FARP1: variants seen among roughly 807,000 people sequenced by gnomAD.
FARP1 encodes FERM, ARH/RhoGEF and pleckstrin domain protein 1, also known as FERM, ARHGEF and pleckstrin domain-containing protein 1.
In FARP1, 52 loss-of-function variants were observed where a neutral mutation model predicts 128.8. That is an observed-to-expected ratio of 0.40 (90% confidence interval 0.32 to 0.51). The LOEUF is 0.51. Ranked by LOEUF, FARP1 falls within the 20% of genes least tolerant of loss-of-function variation. FARP1 has a pLI of 0.45. For synonymous variants in FARP1, 580 were observed against 551.8 expected (o/e 1.05, Z -0.72); for missense variants, 1,333 against 1,367.9 (o/e 0.97, Z 0.40).
chr13:98,295,692 G>A (rs1355416687), intron 2 of FARP1, among the ~76,000 whole-genome samples: 1 of 152,064 alleles, frequency 6.6e-6, no homozygotes, highest in East Asian at 1.9e-4. Flanking sequence ...TTTCTTCCCA[G>A]CCTAAAGACT....
intron 16 of FARP1, among the ~76,000 whole-genome samples, chr13:98,413,747 A>C (rs971862463): frequency 5.9e-5 from 9 of 152,218 alleles, no homozygotes; most frequent in African/African-American, 1.4e-4. Context: ...CCTGTGTCTC[A>C]TCATTCATAC....
At chr13:98,312,212 C>T (rs1173101522) in intron 2 of FARP1, among the ~76,000 whole-genome samples, 1 of 136,240 alleles carries the variant, frequency 7.3e-6, no homozygotes, top group Non-Finnish European at 1.5e-5. Flanking sequence ...GTGATCTTGG[C>T]TCACTGCAAG....
chr13:98,362,940 C>A (rs888982132), intron 3 of FARP1, among the ~76,000 whole-genome samples: 1 of 152,224 alleles, frequency 6.6e-6, no homozygotes, highest in Non-Finnish European at 1.5e-5. Context: ...TTCAGTTGTT[C>A]TTGAATCCAC....
At chr13:98,305,459 G>A (rs1187978181) in intron 2 of FARP1, among the ~76,000 whole-genome samples, 4 of 151,720 alleles carry the variant, frequency 2.6e-5, no homozygotes, top group Non-Finnish European at 5.9e-5. Flanking sequence ...TCAGCCTCCC[G>A]AATAGCTGGG....
chr13:98,184,981 T>C (rs1242005689), intron 1 of FARP1, among the ~76,000 whole-genome samples: 2 of 152,218 alleles, frequency 1.3e-5, no homozygotes, highest in East Asian at 3.8e-4. Context: ...ATTTCCACCA[T>C]GGCCAGTTGC....
chr13:98,289,372 G>A (rs1458463451), intron 2 of FARP1, among the ~76,000 whole-genome samples: 1 of 152,306 alleles, frequency 6.6e-6, no homozygotes, highest in Non-Finnish European at 1.5e-5. Context: ...TTCCCGCTGA[G>A]TGCAAATCTG....
intron 24 of FARP1, among the ~76,000 whole-genome samples, chr13:98,442,182 GAA>G (rs1566324620): frequency 6.6e-6 from 1 of 152,184 alleles, no homozygotes; most frequent in Non-Finnish European, 1.5e-5. Context: ...TCCAAACGCA[GAA>G]AGGGCCAGTT....
chr13:98,257,127 T>C (rs1391383203), intron 2 of FARP1, among the ~76,000 whole-genome samples: 9 of 151,818 alleles, frequency 5.9e-5, no homozygotes, highest in Non-Finnish European at 1.2e-4. Context: ...TTTCCAAATA[T>C]CATTGAATAC....
intron 1 of FARP1, among the ~76,000 whole-genome samples, chr13:98,181,060 T>C (rs1878471923): frequency 6.6e-6 from 1 of 152,174 alleles, no homozygotes; most frequent in African/African-American, 2.4e-5. Context: ...AGTCTTTTTT[T>C]TTTTAAGACA....
chr13:98,349,023 G>A (rs1888295386), intron 3 of FARP1, among the ~76,000 whole-genome samples: 1 of 152,134 alleles, frequency 6.6e-6, no homozygotes, highest in Non-Finnish European at 1.5e-5. Flanking sequence ...ATCTCCCGTC[G>A]GAAAGAGCTG....
chr13:98,156,250 C>A (rs1393800574), intron 1 of FARP1, among the ~76,000 whole-genome samples: 1 of 152,104 alleles, frequency 6.6e-6, no homozygotes, highest in Non-Finnish European at 1.5e-5. Context: ...TACTCTCTGG[C>A]AATTTATAAA....
intron 17 of FARP1, among the ~76,000 whole-genome samples, chr13:98,430,671 T>C (rs1891976312): frequency 6.6e-6 from 1 of 152,220 alleles, no homozygotes; most frequent in Non-Finnish European, 1.5e-5. Flanking sequence ...GGCTGTTTGT[T>C]ATCTGAAGAC....
intron 3 of FARP1, among the ~76,000 whole-genome samples, chr13:98,359,706 A>C (rs1011932048): frequency 2.6e-5 from 4 of 152,236 alleles, no homozygotes; most frequent in African/African-American, 9.6e-5. Flanking sequence ...CTCAGTATTC[A>C]GCACAGTAAG....
chr13:98,252,199 G>C (rs1196399956), intron 2 of FARP1, among the ~76,000 whole-genome samples: 1 of 152,118 alleles, frequency 6.6e-6, no homozygotes, highest in Non-Finnish European at 1.5e-5. Flanking sequence ...TAGCATATTA[G>C]GAGATTAGAG....
intron 3 of FARP1, among the ~76,000 whole-genome samples, chr13:98,351,792 C>T (rs961398051): frequency 1.3e-5 from 2 of 151,912 alleles, no homozygotes; most frequent in African/African-American, 4.8e-5. Flanking sequence ...CACACACAAA[C>T]AGCCGGATCG....
chr13:98,335,582 G>A (rs773981450), intron 2 of FARP1, among the ~76,000 whole-genome samples: 3 of 152,146 alleles, frequency 2.0e-5, no homozygotes, highest in Admixed American at 6.6e-5. Flanking sequence ...CAGCCAAACC[G>A]TATCACTGAC....
At position 98,200,387 on chromosome 13, in the gene FARP1, A is replaced by ACCCCCCCCCCC. The variant is rs34861204; in HGVS notation, c.-23-12832_-23-12822dup. On this transcript the variant is annotated intron_variant, in intron 1 of 26. Transcript: ENST00000319562. ...CAGAATCACCTGGAATGCAACCTTC[A>ACCCCCCCCCCC]CCCCCCCCCCCTCCCCTTTGTGATT... 2.6e-4 allele frequency among the ~76,000 whole-genome samples: 33 copies of ACCCCCCCCCCC among 127,532 alleles called. 2 individuals are homozygous for ACCCCCCCCCCC. Among genetic ancestry groups the ACCCCCCCCCCC allele is most frequent in the African/African-American group, 9.5e-4 (31 of 32,584 alleles). 83.7% of individuals were successfully genotyped at this position (127,532 alleles called of 152,430 possible).
In FARP1 at chr13:98,278,588, G is replaced by C. The variant is rs151118895; in HGVS notation, c.172-65174G>C. ...GAGAACATCCTTCGTTTTCTGGTTC[G>C]GAGTGTATATTGATTGGCATAATAA... On this transcript the variant is annotated intron_variant, in intron 2 of 26. Coordinates refer to ENST00000319562, the MANE Select transcript of FARP1 (RefSeq NM_005766.4). 2.5e-4 allele frequency among the ~76,000 whole-genome samples: 38 copies of C among 152,124 alleles called. No homozygotes were observed. In the East Asian group the frequency reaches 5.6e-3, roughly 22 times the overall value.
At chr13:98,154,071 T>G (rs1876324474) in intron 1 of FARP1, among the ~76,000 whole-genome samples, 1 of 152,212 alleles carries the variant, frequency 6.6e-6, no homozygotes, top group African/African-American at 2.4e-5. Flanking sequence ...ACTGGCCTCT[T>G]TCATTCAGCC....
Sources: gnomAD v4.1 joint callset for allele counts (sites outside exome capture counted in the v4.1 genomes callset) on GRCh38, gnomAD v4.1.1 for gene constraint, MANE v1.5 for transcripts, NCBI Gene and HGNC (gene_info 2026-07-23, HGNC 2026-07-21) for gene names.